BCKDHB: variants seen among roughly 807,000 people sequenced by gnomAD.
The protein encoded by BCKDHB is 2-oxoisovalerate dehydrogenase subunit beta, mitochondrial.
BCKDHB carries 41 observed loss-of-function variants against 48.5 expected under a neutral mutation model. The observed-to-expected ratio is 0.85, with a 90% CI of 0.66 to 1.10. The LOEUF is 1.10. BCKDHB is among the 50% of genes least tolerant of loss of function. The pLI, the probability that BCKDHB is intolerant of heterozygous loss-of-function variation, is 0.00. For synonymous variants in BCKDHB, 201 were observed against 174.8 expected, an observed-to-expected ratio of 1.15 and a Z score of -1.18; for missense variants, 496 against 494.2, an observed-to-expected ratio of 1.00 and a Z score of -0.03.
the BCKDHB span, among the ~76,000 whole-genome samples, chr6:80,433,378 G>T: frequency 6.6e-6 from 1 of 152,130 alleles, no homozygotes; most frequent in African/African-American, 2.4e-5. Flanking sequence ...GAGAAATCTG[G>T]CAGTCTGGCC....
intron 8 of BCKDHB, among the ~76,000 whole-genome samples, chr6:80,219,357 C>T (rs1775310614): frequency 6.6e-6 from 1 of 152,110 alleles, no homozygotes; most frequent in African/African-American, 2.4e-5. Flanking sequence ...CAGGCATGCA[C>T]CACGATGCAC....
At chr6:80,359,512 G>A in the BCKDHB span, among the ~76,000 whole-genome samples, 1 of 152,152 alleles carries the variant, frequency 6.6e-6, no homozygotes, top group Non-Finnish European at 1.5e-5. Context: ...TTTTAAAAAA[G>A]CTTTTATTAT....
At chr6:80,308,155 T>C (rs1172760236) in intron 9 of BCKDHB, among the ~76,000 whole-genome samples, 1 of 152,018 alleles carries the variant, frequency 6.6e-6, no homozygotes, top group Non-Finnish European at 1.5e-5. Flanking sequence ...TTTTTTCATT[T>C]CCCCCCTATG....
chr6:80,279,673 C>G (rs1001820019), intron 9 of BCKDHB, among the ~76,000 whole-genome samples: 4 of 151,574 alleles, frequency 2.6e-5, no homozygotes, highest in South Asian at 4.2e-4. Context: ...CTTTTTGACT[C>G]CAGTATGCAG....
chr6:80,257,337 C>CTA (rs141640476), intron 8 of BCKDHB, among the ~76,000 whole-genome samples: 36,388 of 148,304 alleles, frequency 0.25, 5,448 homozygotes, highest in Non-Finnish European at 0.34. Context: ...GTATATGTAT[C>CTA]TATACACACA....
intron 3 of BCKDHB, among the ~76,000 whole-genome samples, chr6:80,138,355 C>CATATGTATACATGTGCAATGCTGGT (rs1771001638): frequency 6.6e-6 from 1 of 151,914 alleles, no homozygotes; most frequent in South Asian, 2.1e-4. Context: ...AGGTTAGTTA[C>CATATGTATACATGTGCAATGCTGGT]ATATGTATAC....
At chr6:80,151,659 G>C (rs1359983263) in intron 3 of BCKDHB, among the ~76,000 whole-genome samples, 1 of 152,046 alleles carries the variant, frequency 6.6e-6, no homozygotes, top group African/African-American at 2.4e-5. Flanking sequence ...TTTGGACTTA[G>C]AATTCATTTA....
chr6:80,261,227 T>A (rs187495496), intron 8 of BCKDHB, among the ~76,000 whole-genome samples: 1 of 152,292 alleles, frequency 6.6e-6, no homozygotes, highest in East Asian at 1.9e-4. Flanking sequence ...CTTTTTATTC[T>A]TGGCTTCTTT....
At chr6:80,432,740 C>T in the BCKDHB span, among the ~76,000 whole-genome samples, 1 of 152,126 alleles carries the variant, frequency 6.6e-6, no homozygotes, top group African/African-American at 2.4e-5. Context: ...AGTTGTGATC[C>T]TTTGGAGGAG....
chr6:80,113,433 G>T (rs371526779), intron 1 of BCKDHB, among the ~76,000 whole-genome samples: 105 of 152,330 alleles, frequency 6.9e-4, no homozygotes, highest in African/African-American at 2.4e-3. Context: ...TGGTGGTCAG[G>T]TGCTTCCACA....
chr6:80,415,236 T>A, the BCKDHB span, among the ~76,000 whole-genome samples: 1 of 152,172 alleles, frequency 6.6e-6, no homozygotes, highest in Non-Finnish European at 1.5e-5. Flanking sequence ...CCTCTTTTAC[T>A]ATTTGGATGA....
the BCKDHB span, among the ~76,000 whole-genome samples, chr6:80,417,454 G>A: frequency 2.0e-5 from 3 of 151,738 alleles, no homozygotes; most frequent in African/African-American, 7.3e-5. Flanking sequence ...GTGTACCTCA[G>A]TGTTTTTGTA....
the BCKDHB span, among the ~76,000 whole-genome samples, chr6:80,426,367 T>A: frequency 6.6e-6 from 1 of 152,136 alleles, no homozygotes; most frequent in Non-Finnish European, 1.5e-5. Context: ...TCTTCTCTTT[T>A]ATTTGGGTTT....
At chr6:80,335,232 A>G (rs867945556) in intron 9 of BCKDHB, among the ~76,000 whole-genome samples, 17 of 55,222 alleles carry the variant, frequency 3.1e-4, no homozygotes, top group South Asian at 7.9e-4. Flanking sequence ...ATTTTGTGGG[A>G]AAAAAAAAAA....
At chr6:80,444,590 G>A in the BCKDHB span, among the ~76,000 whole-genome samples, 55 of 152,190 alleles carry the variant, frequency 3.6e-4, no homozygotes, top group African/African-American at 1.2e-3. Context: ...TGTTAAATTC[G>A]TGTGAAATTG....
intron 9 of BCKDHB, among the ~76,000 whole-genome samples, chr6:80,292,818 T>C (rs1000409086): frequency 1.3e-5 from 2 of 152,086 alleles, no homozygotes; most frequent in Admixed American, 1.3e-4. Context: ...ATTGAGTAAA[T>C]ACACTCGTTC....
chr6:80,348,384 T>C (rs1459404068), downstream of BCKDHB, among the ~76,000 whole-genome samples: 1 of 152,150 alleles, frequency 6.6e-6, no homozygotes, highest in African/African-American at 2.4e-5. Context: ...TACATGTGGT[T>C]TCTGGCTGCC....
At chr6:80,358,495 C>G in the BCKDHB span, among the ~76,000 whole-genome samples, 50 of 152,274 alleles carry the variant, frequency 3.3e-4, 1 homozygote, top group African/African-American at 1.1e-3. Context: ...GCATCAAAAG[C>G]CGATCTGGAT....
the BCKDHB span, among the ~76,000 whole-genome samples, chr6:80,407,037 G>A: frequency 6.6e-6 from 1 of 152,148 alleles, no homozygotes; most frequent in Non-Finnish European, 1.5e-5. Context: ...TTTGTGTAAG[G>A]TGTAAGGAAC....
Sources: gnomAD v4.1 joint callset for allele counts (sites outside exome capture counted in the v4.1 genomes callset) on GRCh38, gnomAD v4.1.1 for gene constraint, MANE v1.5 for transcripts, NCBI Gene and HGNC (gene_info 2026-07-23, HGNC 2026-07-21) for gene names.